Variants in LIN9 observed in about 807,000 individuals in gnomAD.
The protein encoded by LIN9 is lin-9 DREAM MuvB core complex component, also known as protein lin-9 homolog.
A neutral mutation model predicts 78.0 loss-of-function variants in LIN9; 18 were observed. The ratio of observed to expected loss-of-function variants is 0.23; its 90% CI spans 0.16 to 0.34. The LOEUF (loss-of-function observed/expected upper bound fraction) is 0.34. Among genes scored for constraint, LIN9 ranks in the 10% least tolerant of loss-of-function variants. The pLI, the probability that LIN9 is intolerant of heterozygous loss-of-function variation, is 1.00. For missense variants in LIN9, 451 were observed against 644.1 expected, an observed-to-expected ratio of 0.70 and a Z score of 3.25; for synonymous variants, 192 against 215.2, an observed-to-expected ratio of 0.89 and a Z score of 0.94.
intron 10 of LIN9, among the ~76,000 whole-genome samples, chr1:226,256,826 G>C (rs935683537): frequency 1.3e-5 from 2 of 151,726 alleles, no homozygotes; most frequent in Non-Finnish European, 2.9e-5. Flanking sequence ...CAAAGTGCTG[G>C]GATTACAGGC....
chr1:226,259,675 C>T (rs887216195), intron 10 of LIN9, among the ~76,000 whole-genome samples: 10 of 151,426 alleles, frequency 6.6e-5, no homozygotes, highest in African/African-American at 1.2e-4. Context: ...CTAAATAATA[C>T]GAGTCAAAAA....
intron 12 of LIN9, among the ~76,000 whole-genome samples, chr1:226,234,760 T>TA (rs1419870434): frequency 4.6e-5 from 7 of 152,210 alleles, no homozygotes; most frequent in Non-Finnish European, 1.0e-4. Flanking sequence ...ACATATAGCA[T>TA]AAAGATAAAA....
intron 4 of LIN9, among the ~76,000 whole-genome samples, chr1:226,290,567 C>A (rs954645248): frequency 6.6e-6 from 1 of 152,018 alleles, no homozygotes; most frequent in Non-Finnish European, 1.5e-5. Flanking sequence ...GTCTTGATCT[C>A]CTGACCTCGT....
At chr1:226,262,441 CA>C (rs2102900290) in intron 10 of LIN9, among the ~76,000 whole-genome samples, 1 of 152,204 alleles carries the variant, frequency 6.6e-6, no homozygotes, top group South Asian at 2.1e-4. Flanking sequence ...AATAAGAAAA[CA>C]AACAATTGGA....
chr1:226,295,247 C>T (rs1038477949), intron 4 of LIN9, among the ~76,000 whole-genome samples: 4 of 151,738 alleles, frequency 2.6e-5, no homozygotes, highest in African/African-American at 9.7e-5. Context: ...GTCAGGAGTT[C>T]AAGACCAGCC....
intron 7 of LIN9, among the ~76,000 whole-genome samples, chr1:226,274,068 AG>A (rs1178357045): frequency 6.6e-6 from 1 of 152,004 alleles, no homozygotes; most frequent in Non-Finnish European, 1.5e-5. Flanking sequence ...CCTGGCCTCA[AG>A]TGATCCACTT....
chr1:226,260,540 C>G (rs1659497837), intron 10 of LIN9, among the ~76,000 whole-genome samples: 1 of 147,102 alleles, frequency 6.8e-6, no homozygotes, highest in East Asian at 2.1e-4. Flanking sequence ...CAGTATCTTT[C>G]ATAAACACAG....
At chr1:226,274,112 C>A (rs1479031742) in intron 7 of LIN9, among the ~76,000 whole-genome samples, 2 of 152,182 alleles carry the variant, frequency 1.3e-5, no homozygotes, top group Admixed American at 6.5e-5. Context: ...GGATTACAGG[C>A]ATGACCCACT....
chr1:226,292,187 G>T (rs995188396), intron 4 of LIN9, among the ~76,000 whole-genome samples: 1 of 152,090 alleles, frequency 6.6e-6, no homozygotes, highest in Non-Finnish European at 1.5e-5. Context: ...TTGAGATAGG[G>T]TCTCACTCTG....
chr1:226,292,350 G>A (rs1661845628), intron 4 of LIN9, among the ~76,000 whole-genome samples: 1 of 152,120 alleles, frequency 6.6e-6, no homozygotes, highest in African/African-American at 2.4e-5. Flanking sequence ...GGTAGAGACG[G>A]GATTTCACCA....
rs530912251 is a variant in LIN9, at chr1:226,232,007, C to G, written c.*494G>C. 2.5e-6 allele frequency: 1 copy of G among 397,546 alleles called. No homozygotes were observed. The highest frequency in any genetic ancestry group is 4.4e-6 in the Non-Finnish European group (1 of 225,456). 24.6% of individuals were successfully genotyped at this position (397,546 alleles called of 1,614,324 possible). ...TTCAGTGGTTTCCTTAAAACTAGGA[C>G]TTCCCACACCTCATGATGTTATCTT... is the stretch of plus-strand genomic sequence containing the variant. On this transcript the variant is annotated 3_prime_UTR_variant, in exon 15 of 15. Transcript: ENST00000681046.
chr1:226,284,213 C>A (rs1386820693), intron 6 of LIN9, among the ~76,000 whole-genome samples: 2 of 152,126 alleles, frequency 1.3e-5, no homozygotes, highest in African/African-American at 4.8e-5. Flanking sequence ...TTATACTAAA[C>A]TCCCAGAGAC....
At position 226,232,360 on chromosome 1, in the gene LIN9, A is replaced by G; in HGVS notation, c.*141T>C. On this transcript the variant is annotated 3_prime_UTR_variant, in exon 15 of 15. Coordinates refer to ENST00000681046, the MANE Select transcript of LIN9 (RefSeq NM_001366245.2). Reference sequence around the variant, plus strand: ...GCAATGCTGGTTTAAGAAGCAGTACAGTCTATTAAAATGCCTTATTTGGAG... The same window carrying G: ...GCAATGCTGGTTTAAGAAGCAGTACGGTCTATTAAAATGCCTTATTTGGAG... 1.9e-6 allele frequency: 1 copy of G among 529,798 alleles called. No individual in the cohort carries two copies. The highest frequency in any genetic ancestry group is 3.4e-5 in the South Asian group (1 of 29,122). 32.8% of individuals were successfully genotyped at this position (529,798 alleles called of 1,614,324 possible). A position where few individuals can be genotyped will look rare whatever the true frequency, so the allele number is the denominator to read the frequency against.
Position 226,287,366 on chromosome 1 carries a change from TC to T in LIN9, c.398+297del, listed in dbSNP as rs1363629784. 3.9e-5 allele frequency among the ~76,000 whole-genome samples: 6 copies of T among 152,338 alleles called. No individual in the cohort carries two copies. In the East Asian group the frequency reaches 9.6e-4, roughly 24 times the overall value. ...ATCTCAATTATAAAATGAATCTCAT[TC>T]ACTGCAAATAATGGTGTTTTAAGGT... On this transcript the variant is annotated intron_variant, in intron 5 of 14. Transcript: ENST00000681046.
chr1:226,277,664 A>G, intron 7 of LIN9, 111 bp downstream of exon 7: 1 of 971,360 alleles, frequency 1.0e-6, no homozygotes, highest in Non-Finnish European at 1.5e-6. Context: ...TGTCTATTGT[A>G]AATATTTCTT....
chr1:226,262,451 G>A (rs565791274), intron 10 of LIN9, among the ~76,000 whole-genome samples: 13 of 152,174 alleles, frequency 8.5e-5, no homozygotes, highest in African/African-American at 2.9e-4. Flanking sequence ...CAAACAATTG[G>A]ATTAAAAAAT....
chr1:226,252,416 C>T (rs1658896510), intron 10 of LIN9, among the ~76,000 whole-genome samples: 1 of 151,814 alleles, frequency 6.6e-6, no homozygotes, highest in African/African-American at 2.4e-5. Flanking sequence ...AACCTAAATC[C>T]GTCAAACCTC....
At chr1:226,289,485 C>T (rs1423127580) in intron 4 of LIN9, among the ~76,000 whole-genome samples, 1 of 152,022 alleles carries the variant, frequency 6.6e-6, no homozygotes, top group East Asian at 1.9e-4. Context: ...ACCTGAACCT[C>T]CCAAGTAGCT....
chr1:226,254,986 C>T (rs1659096026), intron 10 of LIN9, among the ~76,000 whole-genome samples: 1 of 150,124 alleles, frequency 6.7e-6, no homozygotes, highest in African/African-American at 2.4e-5. Context: ...GCAAACTGTT[C>T]ACAAAATTGG....
Sources: allele counts gnomAD v4.1 joint callset (sites outside exome capture counted in the v4.1 genomes callset), GRCh38; gene constraint gnomAD v4.1.1; transcripts MANE v1.5; gene names NCBI Gene and HGNC (gene_info 2026-07-23, HGNC 2026-07-21).